Variants in IARS2 observed in about 807,000 individuals in gnomAD.
IARS2 encodes isoleucine--tRNA ligase, mitochondrial.
IARS2 carries 56 observed loss-of-function variants against 126.3 expected under a neutral mutation model. The observed-to-expected ratio is 0.44, with a 90% confidence interval of 0.36 to 0.55. The LOEUF (loss-of-function observed/expected upper bound fraction) is 0.55. Ranked by LOEUF, IARS2 falls within the 20% of genes least tolerant of loss-of-function variation. The probability of loss-of-function intolerance (pLI) is 0.00; values close to 1 mark genes in which losing one functional copy is unlikely to be tolerated. For missense variants in IARS2, 1,127 were observed against 1,245.9 expected (o/e 0.90, Z 1.44); for synonymous variants, 407 against 441.1 (o/e 0.92, Z 0.97).
Position 220,114,338 on chromosome 1 carries a change from A to C in IARS2, c.1504A>C (p.Ile502Leu), listed in dbSNP as rs747014267. Reference protein sequence around the residue: ...AKELLKKVKFIPGSALNGMVE... With the variant: ...AKELLKKVKFLPGSALNGMVE... ...GGAATTGTTAAAAAAGGTGAAATTT[A>C]TTCCTGGATCAGCACTGAATGGCAT... The change falls in exon 12 of 23, where the codon ATT (isoleucine) becomes CTT (leucine). Residue 502 changes from isoleucine (I) to leucine (L), a missense_variant. Coordinates refer to ENST00000366922, the MANE Select transcript of IARS2 (RefSeq NM_018060.4). The C allele has an allele frequency of 2.5e-6, 4 of 1,613,978 alleles. No individual in the cohort carries two copies. Among genetic ancestry groups the C allele is most frequent in the Non-Finnish European group, 2.5e-6 (3 of 1,179,868 alleles).
At chr1:220,136,981 T>A (rs1051068251) in intron 16 of IARS2, 70 bp downstream of exon 16, 19 of 817,528 alleles carry the variant, frequency 2.3e-5, no homozygotes, top group Non-Finnish European at 3.6e-5. Flanking sequence ...AAGCCCTTAA[T>A]ATAGTTACTT....
Position 220,102,211 on chromosome 1 carries a change from C to A in IARS2, c.633C>A (p.Cys211Ter). The A allele has an allele frequency of 6.2e-7, 1 of 1,612,174 alleles. No individual in the cohort carries two copies. Among genetic ancestry groups the A allele is most frequent in the Non-Finnish European group, 8.5e-7 (1 of 1,179,394 alleles). The change falls in exon 4 of 23, where the codon TGC becomes TGA. Residue 211 changes from cysteine to a stop codon, truncating the protein, a stop_gained. Coordinates refer to ENST00000366922, the MANE Select transcript of IARS2 (RefSeq NM_018060.4). LOFTEE classifies it high-confidence loss of function. ...GAATAATGGCAGATTGGAATAATTG[C>A]TACTATACATTTGATGGGAAGTATG... ...RWGIMADWNN[C>*]YYTFDGKYEA...
chr1:220,113,772 A>T (rs1160815639), intron 11 of IARS2, among the ~76,000 whole-genome samples: 1 of 152,108 alleles, frequency 6.6e-6, no homozygotes, highest in East Asian at 1.9e-4. Flanking sequence ...AGCCTACCAA[A>T]ATGCTGGGAT....
At chr1:220,099,211 C>CAA (rs1184799314) in intron 2 of IARS2, among the ~76,000 whole-genome samples, 11 of 48,988 alleles carry the variant, frequency 2.2e-4, no homozygotes, top group Admixed American at 4.1e-4. Context: ...GACTCCGTCT[C>CAA]AAAAAAAAAA....
In IARS2 at chr1:220,141,810, T is replaced by C; in HGVS notation, c.2422T>C (p.Cys808Arg). Residue 808 changes from cysteine (C) to arginine (R), a missense_variant, in exon 20 of 23, where the codon TGT (cysteine) becomes CGT (arginine). Coordinates refer to ENST00000366922, the MANE Select transcript of IARS2 (RefSeq NM_018060.4). Reference sequence around the variant, plus strand: ...TAAGTTGTTCTTGTTCAGGCTCTATTGTGAAAAGGAAAATGACCCCAAACG... The same window carrying C: ...TAAGTTGTTCTTGTTCAGGCTCTATCGTGAAAAGGAAAATGACCCCAAACG... ...YFSIIKDRLY[C>R]EKENDPKRRS... 6.2e-7 allele frequency: 1 copy of C among 1,613,778 alleles called. No individual in the cohort carries two copies. Among genetic ancestry groups the C allele is most frequent in the African/African-American group, 1.3e-5 (1 of 74,906 alleles).
chr1:220,138,954 A>G, intron 17 of IARS2, 54 bp from the exon 18 acceptor site: 1 of 1,519,076 alleles, frequency 6.6e-7, no homozygotes, highest in Non-Finnish European at 9.0e-7. Flanking sequence ...TTCAGTGAAA[A>G]TTGAAGGCAC....
At chr1:220,116,647 A>G (rs971976066) in intron 12 of IARS2, among the ~76,000 whole-genome samples, 3 of 152,116 alleles carry the variant, frequency 2.0e-5, no homozygotes, top group Non-Finnish European at 2.9e-5. Flanking sequence ...GGAATAATCT[A>G]AATATTGTTG....
In IARS2 at chr1:220,147,661, C is replaced by A. The variant is rs767697862; in HGVS notation, c.*26C>A. On this transcript the variant is annotated 3_prime_UTR_variant, in exon 23 of 23. Transcript: ENST00000366922. Reference sequence around the variant, plus strand: ...TATTAACAGCTCACTCGAGCAAGAACCCTCCTGACAGTACTGGCTAGAAGT... The same window carrying A: ...TATTAACAGCTCACTCGAGCAAGAAACCTCCTGACAGTACTGGCTAGAAGT... 6.2e-7 allele frequency: 1 copy of A among 1,612,144 alleles called. No homozygotes were observed. The highest frequency in any genetic ancestry group is 8.5e-7 in the Non-Finnish European group (1 of 1,178,622).
chr1:220,100,443 G>T, intron 2 of IARS2, 47 bp from the exon 3 acceptor site: 1 of 1,428,142 alleles, frequency 7.0e-7, no homozygotes, highest in South Asian at 1.4e-5. Context: ...GAAATACATG[G>T]CCAAATATTT....
intron 8 of IARS2, among the ~76,000 whole-genome samples, chr1:220,103,825 A>T (rs1357237071): frequency 6.6e-6 from 1 of 152,254 alleles, no homozygotes; most frequent in Admixed American, 6.5e-5. Context: ...TTTATGCAAA[A>T]TTAATTTTTA....
At chr1:220,136,314 T>TGGAGACAG (rs1657374405) in intron 15 of IARS2, among the ~76,000 whole-genome samples, 1 of 152,152 alleles carries the variant, frequency 6.6e-6, no homozygotes, top group South Asian at 2.1e-4. Flanking sequence ...GTATTTTTAG[T>TGGAGACAG]GGAGACAGGG....
chr1:220,098,479 C>T (rs940847791), intron 2 of IARS2, among the ~76,000 whole-genome samples: 5 of 152,068 alleles, frequency 3.3e-5, no homozygotes, highest in African/African-American at 1.2e-4. Context: ...ATTTTCTAAC[C>T]CTATAATTTG....
At chr1:220,106,564 A>C (rs144033223) in intron 9 of IARS2, among the ~76,000 whole-genome samples, 2 of 151,976 alleles carry the variant, frequency 1.3e-5, no homozygotes, top group African/African-American at 4.8e-5. Flanking sequence ...CTTCAATAAC[A>C]CATTTTGGCT....
chr1:220,121,651 C>T (rs1022870833), intron 12 of IARS2, among the ~76,000 whole-genome samples: 1 of 152,026 alleles, frequency 6.6e-6, no homozygotes, highest in Non-Finnish European at 1.5e-5. Flanking sequence ...TACTATGTTG[C>T]CCAGGCTGGT....
chr1:220,147,534 A>G lies in IARS2; in HGVS notation c.2938A>G (p.Met980Val), dbSNP rs1657627325. The G allele has an allele frequency of 6.2e-7, 1 of 1,614,166 alleles. No homozygotes were observed. Among genetic ancestry groups the G allele is most frequent in the Non-Finnish European group, 8.5e-7 (1 of 1,179,988 alleles). Residue 980 changes from methionine to valine, a missense_variant, in exon 23 of 23, where the codon ATG becomes GTG. Coordinates refer to ENST00000366922, the MANE Select transcript of IARS2 (RefSeq NM_018060.4). ...AGAGTCTTCCTATAAAGTAATTGTC[A>G]TGCCGACTACGAAAGAAAAATGCCC... ...REESSYKVIV[M>V]PTTKEKCPRC...
chr1:220,126,869 C>G (rs371531312), intron 14 of IARS2, 26 bp downstream of exon 14: 4 of 1,504,030 alleles, frequency 2.7e-6, no homozygotes, highest in Non-Finnish European at 1.8e-6. Context: ...AGATATATGC[C>G]GATCAAGAAG....
At chr1:220,117,750 A>G (rs1235154007) in intron 12 of IARS2, 7 of 428,400 alleles carry the variant, frequency 1.6e-5, no homozygotes. Flanking sequence ...CATTAGGTAT[A>G]TTTATGTTTT....
rs190607563 is a variant in IARS2 at position 220,127,272 on chromosome 1, C to T, written c.1837+429C>T. 2.7e-3 allele frequency among the ~76,000 whole-genome samples: 418 copies of T among 152,272 alleles called. 3 individuals carry two copies. Among genetic ancestry groups the T allele is most frequent in the African/African-American group, 9.2e-3 (383 of 41,550 alleles). ...ATAGCTTAGTAGTGTCAAACTAGAA[C>T]GCAAGTACCCTGATTTTCAGTTCTC... is the stretch of plus-strand genomic sequence containing the variant. On this transcript the variant is annotated intron_variant, in intron 14 of 22. Transcript: ENST00000366922.
intron 15 of IARS2, chr1:220,134,770 T>TG (rs112485925): frequency 5.1e-4 from 75 of 147,862 alleles, no homozygotes; most frequent in Non-Finnish European, 8.6e-4. Flanking sequence ...TTGTTGTTGT[T>TG]TTTTTTTTTT....
Sources: allele counts gnomAD v4.1 joint callset (sites outside exome capture counted in the v4.1 genomes callset), GRCh38; gene constraint gnomAD v4.1.1; transcripts MANE v1.5; gene names NCBI Gene and HGNC (gene_info 2026-07-23, HGNC 2026-07-21).